F11R: variants seen among roughly 807,000 people sequenced by gnomAD.
F11R encodes junctional adhesion molecule A.
In F11R, 27 loss-of-function variants were observed where a neutral mutation model predicts 39.3. The observed-to-expected ratio is 0.69, with a 90% confidence interval of 0.51 to 0.95. The LOEUF (loss-of-function observed/expected upper bound fraction) is 0.95. Ranked by LOEUF, F11R falls within the 40% of genes least tolerant of loss-of-function variation. The probability of loss-of-function intolerance (pLI) is 0.00; values close to 1 mark genes in which losing one functional copy is unlikely to be tolerated. For missense variants in F11R, 335 were observed against 372.7 expected (o/e 0.90, Z 0.83); for synonymous variants, 131 against 144.9 (o/e 0.90, Z 0.69).
At chr1:161,014,536 G>T (rs920012059) in intron 1 of F11R, among the ~76,000 whole-genome samples, 15 of 152,128 alleles carry the variant, frequency 9.9e-5, no homozygotes, top group African/African-American at 3.6e-4. Flanking sequence ...GACCCTGTCT[G>T]TACTAAAAAA....
At chr1:161,007,062 T>C (rs1025689072) in intron 1 of F11R, among the ~76,000 whole-genome samples, 1 of 151,956 alleles carries the variant, frequency 6.6e-6, no homozygotes, top group Non-Finnish European at 1.5e-5. Flanking sequence ...TCCCAGCTAC[T>C]TGGGAGGCTG....
chr1:161,017,657 T>C (rs1386562854), intron 1 of F11R, among the ~76,000 whole-genome samples: 2 of 152,242 alleles, frequency 1.3e-5, no homozygotes, highest in East Asian at 1.9e-4. Context: ...ACTCAGAGGC[T>C]GGCGGGATCC....
rs1648264827 is a variant in F11R, at chr1:160,998,603, G to T, written c.*268C>A. The T allele has an allele frequency of 1.7e-6, 1 of 581,146 alleles. No homozygotes were observed. Among genetic ancestry groups the T allele is most frequent in the Non-Finnish European group, 3.1e-6 (1 of 327,430 alleles). The allele number at this position is 581,146 out of a possible 1,614,324, so 36.0% of individuals were successfully genotyped here. On this transcript the variant is annotated 3_prime_UTR_variant, in exon 10 of 10. Coordinates refer to ENST00000368026, the MANE Select transcript of F11R (RefSeq NM_016946.6). ...AGAAGGGAAGTCAATGGCATACCCA[G>T]GATTCCTTCCTGATCCCTCAAAGAA...
At position 160,996,905 on chromosome 1, in the gene F11R, A is replaced by G. The variant is rs952311823; in HGVS notation, c.*1966T>C. On this transcript the variant is annotated 3_prime_UTR_variant, in exon 10 of 10. Coordinates refer to ENST00000368026, the MANE Select transcript of F11R (RefSeq NM_016946.6). ...TTTATTGGCATGTGACCCTTGACTG[A>G]TGGCTTCATTAGCATTTTGTTTTTC... 1.3e-5 allele frequency: 2 copies of G among 152,306 alleles called. No individual in the cohort carries two copies. The highest frequency in any genetic ancestry group is 2.4e-5 in the African/African-American group (1 of 41,432). The allele number at this position is 152,306 out of a possible 1,614,324, so 9.4% of individuals were successfully genotyped here.
chr1:161,011,097 A>C (rs2101983199), intron 1 of F11R, among the ~76,000 whole-genome samples: 1 of 151,172 alleles, frequency 6.6e-6, no homozygotes, highest in South Asian at 2.1e-4. Flanking sequence ...CAGTGGCGCG[A>C]TTGTGGCTCA....
rs1210919503 is a variant in F11R, at chr1:161,020,995, ACT to A, written c.64+13_64+14del. ...ACCCGACCAACCGATTCCTCCCGAA[ACT>A]CTGGGAACTTACACAACAGGATCGC... On this transcript the variant is annotated intron_variant, in intron 1 of 9. Coordinates refer to ENST00000368026, the MANE Select transcript of F11R (RefSeq NM_016946.6). The A allele has an allele frequency of 2.5e-6, 4 of 1,613,346 alleles. No individual in the cohort carries two copies. Among genetic ancestry groups the A allele is most frequent in the Non-Finnish European group, 3.4e-6 (4 of 1,179,500 alleles).
In F11R at chr1:160,998,860, G is replaced by T; in HGVS notation, c.*11C>A. ...GGCAAATGCAGATGATAGGCGGTGAGCCGACCAGGCTCACACCAGGAATGA... is the reference window on the plus strand; with the variant it reads ...GGCAAATGCAGATGATAGGCGGTGATCCGACCAGGCTCACACCAGGAATGA... On this transcript the variant is annotated 3_prime_UTR_variant, in exon 10 of 10. Transcript: ENST00000368026. 6.2e-7 allele frequency: 1 copy of T among 1,614,102 alleles called. No individual in the cohort carries two copies. Among genetic ancestry groups the T allele is most frequent in the Non-Finnish European group, 8.5e-7 (1 of 1,179,942 alleles).
intron 1 of F11R, among the ~76,000 whole-genome samples, chr1:161,004,160 G>A (rs1414138237): frequency 2.0e-5 from 3 of 152,038 alleles, no homozygotes; most frequent in African/African-American, 4.8e-5. Flanking sequence ...TGCCCAGGCT[G>A]GTCTAGAACT....
At chr1:161,000,556 A>G (rs1358952131) in intron 4 of F11R, 75 bp downstream of exon 4, 35 of 1,589,576 alleles carry the variant, frequency 2.2e-5, no homozygotes, top group Admixed American at 6.8e-5. Context: ...ACCATCAAAG[A>G]GCTCCAAAGT....
At chr1:161,013,673 T>C (rs1185388771) in intron 1 of F11R, among the ~76,000 whole-genome samples, 3 of 152,302 alleles carry the variant, frequency 2.0e-5, no homozygotes, top group African/African-American at 7.2e-5. Context: ...CTGGGCTATG[T>C]CTAAATAGCC....
At chr1:161,009,102 A>C (rs1220142690) in intron 1 of F11R, among the ~76,000 whole-genome samples, 1 of 152,158 alleles carries the variant, frequency 6.6e-6, no homozygotes, top group Non-Finnish European at 1.5e-5. Flanking sequence ...GCCTTTGCTC[A>C]TGCTATTTCT....
chr1:161,021,103 CGAA>C lies in F11R; in HGVS notation c.-33_-31del, dbSNP rs1385225157. On this transcript the variant is annotated 5_prime_UTR_variant, in exon 1 of 10. Coordinates refer to ENST00000368026, the MANE Select transcript of F11R (RefSeq NM_016946.6). ...ATCAGGCTCCCGACACAACAGCCGC[CGAA>C]GGACTCCTGGGAACAGACACAGCTC... The C allele has an allele frequency of 1.3e-6, 2 of 1,597,874 alleles. No homozygotes were observed. Among genetic ancestry groups the C allele is most frequent in the African/African-American group, 2.7e-5 (2 of 74,398 alleles).
At chr1:161,008,312 G>A (rs763416669) in intron 1 of F11R, among the ~76,000 whole-genome samples, 1 of 152,000 alleles carries the variant, frequency 6.6e-6, no homozygotes. Context: ...TGGCTAACAC[G>A]GTGAAACCCC....
chr1:161,014,680 C>A (rs757350418), intron 1 of F11R, among the ~76,000 whole-genome samples: 5 of 152,174 alleles, frequency 3.3e-5, no homozygotes, highest in Non-Finnish European at 5.9e-5. Context: ...TGGCTCATGC[C>A]TGTAATCCCA....
chr1:161,019,245 G>A (rs1028048514), intron 1 of F11R, among the ~76,000 whole-genome samples: 3 of 152,010 alleles, frequency 2.0e-5, no homozygotes, highest in African/African-American at 7.2e-5. Flanking sequence ...AAGTAAAATA[G>A]GCAAGGGGTA....
chr1:161,007,599 G>T (rs116159922), intron 1 of F11R, among the ~76,000 whole-genome samples: 1 of 152,270 alleles, frequency 6.6e-6, no homozygotes, highest in Non-Finnish European at 1.5e-5. Context: ...TACATCAAAG[G>T]GCTGTTCTGA....
intron 1 of F11R, among the ~76,000 whole-genome samples, chr1:161,020,298 A>G (rs1649689620): frequency 6.6e-6 from 1 of 152,194 alleles, no homozygotes; most frequent in Non-Finnish European, 1.5e-5. Flanking sequence ...GCCAACCAAC[A>G]GATACACTCT....
chr1:161,013,060 G>A (rs1425705300), intron 1 of F11R, among the ~76,000 whole-genome samples: 1 of 151,826 alleles, frequency 6.6e-6, no homozygotes, highest in East Asian at 1.9e-4. Context: ...TACCCAAAAG[G>A]TAGTTTTTCT....
rs781256036 is a variant in F11R, at chr1:161,000,196, G to A, written c.541C>T (p.Arg181Cys). 1.9e-6 allele frequency: 3 copies of A among 1,614,110 alleles called. No homozygotes were observed. The highest frequency in any genetic ancestry group is 2.2e-5 in the East Asian group (1 of 44,880). ...IVMPTNPKST[R>C]AFSNSSYVLN... ...ACATAGGAAGAGTTGCTGAAGGCAC[G>A]GGTGCTTTTGGGATTCGTAGGCATC... The change falls in exon 5 of 10, where the codon CGT becomes TGT. Residue 181 changes from arginine (R) to cysteine (C), a missense_variant. By Grantham distance (180) the Arg-to-Cys change is radical (BLOSUM62 -3). Transcript: ENST00000368026.
Sources: allele counts gnomAD v4.1 joint callset (sites outside exome capture counted in the v4.1 genomes callset), GRCh38; gene constraint gnomAD v4.1.1; transcripts MANE v1.5; gene names NCBI Gene and HGNC (gene_info 2026-07-23, HGNC 2026-07-21).